EXOC6B: variants seen among roughly 807,000 people sequenced by gnomAD.
EXOC6B encodes exocyst complex component 6B.
EXOC6B carries 54 observed loss-of-function variants against 113.5 expected under a neutral mutation model. The ratio of observed to expected loss-of-function variants is 0.48; its 90% CI spans 0.38 to 0.60. The LOEUF is 0.60. EXOC6B is among the 20% of genes least tolerant of loss of function. The probability of loss-of-function intolerance (pLI) is 0.00; values close to 1 mark genes in which losing one functional copy is unlikely to be tolerated. For missense variants in EXOC6B, 797 were observed against 977.5 expected (o/e 0.82, Z 2.46); for synonymous variants, 357 against 339.0 (o/e 1.05, Z -0.58).
chr2:72,422,070 A>G (rs1245680403), intron 18 of EXOC6B, among the ~76,000 whole-genome samples: 35 of 152,216 alleles, frequency 2.3e-4, no homozygotes, highest in Admixed American at 2.3e-3. Context: ...CCCGCGGGGC[A>G]GGGCTCGGGA....
intron 16 of EXOC6B, among the ~76,000 whole-genome samples, chr2:72,484,439 C>T (rs1286343775): frequency 1.3e-4 from 20 of 151,302 alleles, no homozygotes; most frequent in African/African-American, 3.9e-4. Flanking sequence ...TGGTGGAGGG[C>T]GCCTGTAGTC....
intron 6 of EXOC6B, among the ~76,000 whole-genome samples, chr2:72,578,376 A>G (rs1230714192): frequency 1.3e-5 from 2 of 151,938 alleles, no homozygotes; most frequent in Non-Finnish European, 2.9e-5. Context: ...CTTACCCAAT[A>G]CCCTCCAAGA....
chr2:72,330,416 A>C (rs1008364285), intron 20 of EXOC6B, among the ~76,000 whole-genome samples: 5 of 152,118 alleles, frequency 3.3e-5, no homozygotes, highest in South Asian at 2.1e-4. Context: ...ATGGGGATTT[A>C]AAGAGATCAG....
chr2:72,758,399 G>A (rs1053764282), intron 1 of EXOC6B, among the ~76,000 whole-genome samples: 1 of 151,710 alleles, frequency 6.6e-6, no homozygotes, highest in African/African-American at 2.4e-5. Flanking sequence ...GAAAAAGTAA[G>A]CCACTTTCTT....
chr2:72,254,519 T>C (rs1243830516), intron 20 of EXOC6B, among the ~76,000 whole-genome samples: 1 of 152,218 alleles, frequency 6.6e-6, no homozygotes, highest in Non-Finnish European at 1.5e-5. Flanking sequence ...ACCAAGTTTA[T>C]AGTAATTTTG....
intron 13 of EXOC6B, 48 bp from the exon 14 acceptor site, chr2:72,496,607 G>T: frequency 8.6e-7 from 1 of 1,169,126 alleles, no homozygotes; most frequent in Non-Finnish European, 1.3e-6. Context: ...AGACAAAGTG[G>T]GGGGGTAGGG....
chr2:72,449,423 T>G (rs1696780961), intron 18 of EXOC6B, among the ~76,000 whole-genome samples: 1 of 151,778 alleles, frequency 6.6e-6, no homozygotes, highest in Non-Finnish European at 1.5e-5. Flanking sequence ...CACCCGCCTC[T>G]GCCTCCCAAA....
intron 20 of EXOC6B, among the ~76,000 whole-genome samples, chr2:72,324,779 C>T (rs1688031518): frequency 6.6e-6 from 1 of 152,048 alleles, no homozygotes; most frequent in South Asian, 2.1e-4. Context: ...TTTGTGGTTA[C>T]AGAAGCCCTA....
intron 6 of EXOC6B, among the ~76,000 whole-genome samples, chr2:72,638,904 A>G (rs1190658741): frequency 6.6e-6 from 1 of 152,004 alleles, no homozygotes; most frequent in Non-Finnish European, 1.5e-5. Context: ...CAACATGAGC[A>G]CCCCTTGGTC....
chr2:72,628,066 T>C (rs1362975973), intron 6 of EXOC6B, among the ~76,000 whole-genome samples: 1 of 152,166 alleles, frequency 6.6e-6, no homozygotes, highest in Admixed American at 6.5e-5. Flanking sequence ...TATAAAATAA[T>C]ATTTTATAAG....
intron 8 of EXOC6B, among the ~76,000 whole-genome samples, chr2:72,542,201 A>G (rs1249599742): frequency 1.3e-5 from 2 of 152,150 alleles, no homozygotes; most frequent in African/African-American, 4.8e-5. Context: ...TCATTTCACA[A>G]TTATTTATTC....
intron 1 of EXOC6B, among the ~76,000 whole-genome samples, chr2:72,751,066 AC>A (rs1682004096): frequency 6.6e-6 from 1 of 152,086 alleles, no homozygotes; most frequent in African/African-American, 2.4e-5. Flanking sequence ...AGAAAAAAAA[AC>A]TATCAAAAAT....
intron 20 of EXOC6B, among the ~76,000 whole-genome samples, chr2:72,270,519 C>A (rs1229438252): frequency 1.3e-5 from 2 of 152,112 alleles, no homozygotes; most frequent in Non-Finnish European, 2.9e-5. Context: ...TTTGAAGAAA[C>A]CTTCAGTGAA....
At chr2:72,249,328 C>G (rs746918730) in intron 20 of EXOC6B, among the ~76,000 whole-genome samples, 5 of 152,082 alleles carry the variant, frequency 3.3e-5, no homozygotes, top group Non-Finnish European at 7.4e-5. Flanking sequence ...GGTGCAATCT[C>G]GGCTAACTGC....
chr2:72,233,761 G>A (rs981177447), intron 20 of EXOC6B, among the ~76,000 whole-genome samples: 3 of 152,288 alleles, frequency 2.0e-5, no homozygotes, highest in Admixed American at 6.5e-5. Context: ...TGGCCTATCG[G>A]TCCTGCTTCA....
chr2:72,286,392 T>C (rs1685415143), intron 20 of EXOC6B, among the ~76,000 whole-genome samples: 1 of 152,068 alleles, frequency 6.6e-6, no homozygotes, highest in Non-Finnish European at 1.5e-5. Flanking sequence ...AAGAAGCCAG[T>C]CTAATAAAGG....
chr2:72,445,162 C>G lies in EXOC6B; in HGVS notation c.1980+19998G>C, dbSNP rs552532449. ...TTCAAAGTTCCACAAATCTCTAGGGCAGGGGTAAAATGCCACCAGTCTCTT... is the reference window on the plus strand; with the variant it reads ...TTCAAAGTTCCACAAATCTCTAGGGGAGGGGTAAAATGCCACCAGTCTCTT... On this transcript the variant is annotated intron_variant, in intron 18 of 21. Transcript: ENST00000272427. Among the ~76,000 whole-genome samples, 14 of 152,294 alleles carry G rather than the reference C, an allele frequency of 9.2e-5. No homozygotes were observed. In the South Asian group the frequency reaches 2.9e-3, roughly 32 times the overall value.
intron 1 of EXOC6B, among the ~76,000 whole-genome samples, chr2:72,802,039 TTGTGGCTGGGCAC>T (rs1288058582): frequency 6.6e-6 from 1 of 152,082 alleles, no homozygotes; most frequent in Non-Finnish European, 1.5e-5. Flanking sequence ...GTATAAGAAC[TTGTGGCTGGGCAC>T]TGTGGCTCAT....
chr2:72,553,356 T>C (rs562365837), intron 8 of EXOC6B, among the ~76,000 whole-genome samples: 2 of 152,110 alleles, frequency 1.3e-5, no homozygotes, highest in Non-Finnish European at 2.9e-5. Flanking sequence ...CTTAGCATTA[T>C]GAAACTGTTA....
Sources: allele counts gnomAD v4.1 joint callset (sites outside exome capture counted in the v4.1 genomes callset), GRCh38; gene constraint gnomAD v4.1.1; transcripts MANE v1.5; gene names NCBI Gene and HGNC (gene_info 2026-07-23, HGNC 2026-07-21).